SGK1: variants seen among roughly 807,000 people sequenced by gnomAD.
SGK1 encodes serine/threonine-protein kinase Sgk1.
In SGK1, 26 loss-of-function variants were observed where a neutral mutation model predicts 64.2. The ratio of observed to expected loss-of-function variants is 0.40; its 90% CI spans 0.30 to 0.56. The LOEUF (loss-of-function observed/expected upper bound fraction) is 0.56. Ranked by LOEUF, SGK1 falls within the 20% of genes least tolerant of loss-of-function variation. SGK1 has a pLI of 0.38. For synonymous variants in SGK1, 265 were observed against 239.7 expected (o/e 1.11, Z -0.98); for missense variants, 519 against 645.6 (o/e 0.80, Z 2.12).
chr6:134,302,019 C>T (rs1777465766), intron 1 of SGK1, among the ~76,000 whole-genome samples: 1 of 152,046 alleles, frequency 6.6e-6, no homozygotes, highest in Non-Finnish European at 1.5e-5. Context: ...GTTTTTGAGG[C>T]CTTAATGAGA....
chr6:134,294,344 T>G (rs564214771), intron 1 of SGK1, among the ~76,000 whole-genome samples: 11 of 152,140 alleles, frequency 7.2e-5, no homozygotes, highest in Non-Finnish European at 1.6e-4. Context: ...TCTCCAAAAC[T>G]GTTTTCATCT....
chr6:134,296,965 G>A (rs773738559), intron 1 of SGK1: 6 of 415,526 alleles, frequency 1.4e-5, no homozygotes, highest in Non-Finnish European at 2.3e-5. Flanking sequence ...AGCCGCAAGA[G>A]GGGCAGGCTG....
At chr6:134,287,768 A>T (rs1439811870) in intron 1 of SGK1, among the ~76,000 whole-genome samples, 3 of 152,106 alleles carry the variant, frequency 2.0e-5, no homozygotes, top group Non-Finnish European at 4.4e-5. Context: ...ATTTACATGT[A>T]TTAGAGTTTT....
At chr6:134,248,445 CTTTTTT>C (rs34315643) in intron 2 of SGK1, among the ~76,000 whole-genome samples, 2 of 103,044 alleles carry the variant, frequency 1.9e-5, no homozygotes, top group African/African-American at 4.2e-5. Flanking sequence ...TCTCCTCCGC[CTTTTTT>C]TTTTTTTTTT....
At chr6:134,195,343 A>T (rs533406455) in intron 3 of SGK1, among the ~76,000 whole-genome samples, 1 of 152,174 alleles carries the variant, frequency 6.6e-6, no homozygotes, top group Non-Finnish European at 1.5e-5. Flanking sequence ...GCAGAAACAG[A>T]TTTTGCTCCA....
intron 1 of SGK1, among the ~76,000 whole-genome samples, chr6:134,265,163 T>C (rs1776831094): frequency 6.6e-6 from 1 of 151,976 alleles, no homozygotes; most frequent in Admixed American, 6.6e-5. Flanking sequence ...TGTAAAAACA[T>C]ATGTACTAAC....
intron 1 of SGK1, among the ~76,000 whole-genome samples, chr6:134,292,160 G>A (rs571312691): frequency 1.3e-5 from 2 of 152,238 alleles, no homozygotes; most frequent in East Asian, 3.9e-4. Context: ...CACTCTTAGA[G>A]GTGAAGCAAA....
intron 2 of SGK1, among the ~76,000 whole-genome samples, chr6:134,210,761 G>T (rs1405048044): frequency 1.4e-5 from 2 of 145,690 alleles, no homozygotes; most frequent in African/African-American, 5.2e-5. Context: ...GAGGTGAGCC[G>T]AGATTGTGTC....
chr6:134,218,888 A>G (rs1346985112), intron 2 of SGK1: 2 of 152,236 alleles, frequency 1.3e-5, no homozygotes, highest in Admixed American at 1.3e-4. Context: ...ACCAGAATCA[A>G]TGATGGCACA....
chr6:134,225,131 C>G (rs1202402929), intron 2 of SGK1, among the ~76,000 whole-genome samples: 1 of 151,504 alleles, frequency 6.6e-6, no homozygotes, highest in East Asian at 1.9e-4. Flanking sequence ...AGGTGGATCA[C>G]TTGAGGTCAG....
intron 2 of SGK1, among the ~76,000 whole-genome samples, chr6:134,207,920 TTTTG>T (rs71793940): frequency 0.078 from 11,837 of 152,200 alleles, 737 homozygotes; most frequent in African/African-American, 0.17. Flanking sequence ...TAAATGCTTT[TTTTG>T]TTTGTTTGAG....
Position 134,283,066 on chromosome 6 carries a change from T to C in SGK1, c.70-20918A>G, listed in dbSNP as rs957383871. ...CTTCCCATGTACCAAAACTTAAATG[T>C]GTCTTTTGTTTAAAGAAGGCAGCTG... On this transcript the variant is annotated intron_variant, in intron 1 of 13. Coordinates refer to ENST00000367858, the MANE Select transcript of SGK1 (RefSeq NM_001143676.3). 4 of 152,010 alleles carry C rather than the reference T, an allele frequency of 2.6e-5. 1 individual carries two copies. The highest frequency in any genetic ancestry group is 9.7e-5 in the African/African-American group (4 of 41,116). 9.4% of individuals were successfully genotyped at this position (152,010 alleles called of 1,614,324 possible).
chr6:134,175,378 T>C (rs1267701761), intron 3 of SGK1, among the ~76,000 whole-genome samples: 1 of 151,268 alleles, frequency 6.6e-6, no homozygotes, highest in East Asian at 2.0e-4. Flanking sequence ...CCCTCCGGGG[T>C]TTATCCCTGG....
chr6:134,181,106 T>G (rs1014198226), intron 3 of SGK1, among the ~76,000 whole-genome samples: 2 of 152,104 alleles, frequency 1.3e-5, no homozygotes, highest in African/African-American at 2.4e-5. Context: ...GGGCATCTAC[T>G]TCCCCCACAA....
intron 3 of SGK1, among the ~76,000 whole-genome samples, chr6:134,197,430 A>T (rs1582703912): frequency 6.6e-6 from 1 of 152,180 alleles, no homozygotes; most frequent in East Asian, 1.9e-4. Context: ...ATTTGATGGC[A>T]TAAAAAGTTA....
chr6:134,177,386 G>A (rs1187362336), intron 3 of SGK1, among the ~76,000 whole-genome samples: 1 of 152,176 alleles, frequency 6.6e-6, no homozygotes, highest in African/African-American at 2.4e-5. Context: ...GTTATTGCCA[G>A]TGCCACCCGT....
chr6:134,179,659 A>G (rs1319480027), intron 3 of SGK1, among the ~76,000 whole-genome samples: 2 of 152,204 alleles, frequency 1.3e-5, no homozygotes, highest in Non-Finnish European at 2.9e-5. Flanking sequence ...CAAATTTGAC[A>G]TGCAAAAAGA....
intron 3 of SGK1, among the ~76,000 whole-genome samples, chr6:134,179,269 G>A (rs1479259673): frequency 6.6e-6 from 1 of 151,928 alleles, no homozygotes; most frequent in Non-Finnish European, 1.5e-5. Context: ...GTTTCATATT[G>A]TTCAAAGTAC....
intron 1 of SGK1, among the ~76,000 whole-genome samples, chr6:134,266,402 C>G (rs1261212461): frequency 6.6e-6 from 1 of 151,980 alleles, no homozygotes; most frequent in Non-Finnish European, 1.5e-5. Flanking sequence ...ATCACCTGAT[C>G]TCAGGAGTTC....
Sources: gnomAD v4.1 joint callset for allele counts (sites outside exome capture counted in the v4.1 genomes callset) on GRCh38, gnomAD v4.1.1 for gene constraint, MANE v1.5 for transcripts, NCBI Gene and HGNC (gene_info 2026-07-23, HGNC 2026-07-21) for gene names.